The following SQOR variants were observed in gnomAD, a reference collection of about 807,000 sequenced individuals.
SQOR encodes sulfide:quinone oxidoreductase, mitochondrial.
Under a neutral mutation model 48.6 loss-of-function variants are expected in SQOR, and 39 were observed. The ratio of observed to expected loss-of-function variants is 0.80; its 90% CI spans 0.62 to 1.05. SQOR has a LOEUF of 1.05. SQOR is among the 50% of genes least tolerant of loss of function. The probability of loss-of-function intolerance (pLI) is 0.00; values close to 1 mark genes in which losing one functional copy is unlikely to be tolerated. For synonymous variants in SQOR, 220 were observed against 206.2 expected (o/e 1.07, Z -0.57); for missense variants, 561 against 559.9 (o/e 1.00, Z -0.02).
At chr15:45,668,126 A>T (rs1889871976) in intron 3 of SQOR, among the ~76,000 whole-genome samples, 1 of 151,420 alleles carries the variant, frequency 6.6e-6, no homozygotes, top group Non-Finnish European at 1.5e-5. Context: ...TTGTATTTTT[A>T]GTAGAGACAG....
intron 5 of SQOR, among the ~76,000 whole-genome samples, chr15:45,674,595 G>T (rs1351527897): frequency 6.6e-6 from 1 of 152,072 alleles, no homozygotes; most frequent in Non-Finnish European, 1.5e-5. Context: ...TCTGTCCCTT[G>T]GGTATACATT....
At chr15:45,638,360 G>A (rs1895043776) in intron 1 of SQOR, among the ~76,000 whole-genome samples, 2 of 152,178 alleles carry the variant, frequency 1.3e-5, no homozygotes, top group Non-Finnish European at 2.9e-5. Flanking sequence ...GGGAGGCTGA[G>A]GTGGGAGAAC....
At chr15:45,657,824 C>A (rs2140946757) in intron 1 of SQOR, among the ~76,000 whole-genome samples, 1 of 152,306 alleles carries the variant, frequency 6.6e-6, no homozygotes, top group South Asian at 2.1e-4. Context: ...TAGTCCCCAG[C>A]TGGACACTTG....
chr15:45,684,538 G>A (rs1323190407), intron 7 of SQOR, among the ~76,000 whole-genome samples: 1 of 152,084 alleles, frequency 6.6e-6, no homozygotes, highest in Non-Finnish European at 1.5e-5. Context: ...AGCCTGTCAT[G>A]TTAGTTTGTC....
intron 7 of SQOR, among the ~76,000 whole-genome samples, chr15:45,685,350 A>C (rs1890204068): frequency 6.6e-6 from 1 of 152,046 alleles, no homozygotes; most frequent in Admixed American, 6.6e-5. Context: ...ACTTGCCACC[A>C]ATCCTCTGTT....
chr15:45,683,703 A>C (rs1369313878), intron 7 of SQOR, among the ~76,000 whole-genome samples: 1 of 151,954 alleles, frequency 6.6e-6, no homozygotes, highest in Non-Finnish European at 1.5e-5. Context: ...TTTCCTTCCA[A>C]CTTTTTATTT....
At position 45,635,115 on chromosome 15, in the gene SQOR, G is replaced by A. The variant is rs982891300; in HGVS notation, c.-18+7G>A. 1 of 152,416 alleles carries A rather than the reference G, an allele frequency of 6.6e-6. No individual in the cohort carries two copies. The highest frequency in any genetic ancestry group is 1.5e-5 in the Non-Finnish European group (1 of 68,198). 9.4% of individuals were successfully genotyped at this position (152,416 alleles called of 1,614,324 possible). A position where few individuals can be genotyped will look rare whatever the true frequency, so the allele number is the denominator to read the frequency against. ...AGGCTCCGCTCACGCCCGGGTAAGA[G>A]GCATCCGCGGCCGATCTTTGGCCCT... On this transcript the variant is annotated splice_region_variant and intron_variant, in intron 1 of 9. Coordinates refer to ENST00000260324, the MANE Select transcript of SQOR (RefSeq NM_021199.4).
chr15:45,658,953 G>A lies in SQOR; in HGVS notation c.30G>A (p.Gly10=), dbSNP rs200945908. Residue 10 remains glycine (G), a synonymous_variant, in exon 2 of 10, where the codon GGG becomes GGA. Transcript: ENST00000260324. ...TGCCACTGGTGGCTGTGGTATCAGGGCCCCGTGCCCAGCTCTTTGCCTGCC... is the reference window on the plus strand; with the variant it reads ...TGCCACTGGTGGCTGTGGTATCAGGACCCCGTGCCCAGCTCTTTGCCTGCC... The part of the protein sequence containing the change: MVPLVAVVS[G]PRAQLFACLL... 1.9e-5 allele frequency: 30 copies of A among 1,573,680 alleles called. No homozygotes were observed. The South Asian group carries it at 3.4e-4, about 18-fold the overall frequency.
chr15:45,660,967 T>G (rs1402315953), intron 2 of SQOR, among the ~76,000 whole-genome samples: 1 of 152,106 alleles, frequency 6.6e-6, no homozygotes. Context: ...TGTCCAGAAC[T>G]TTTACAACTA....
intron 5 of SQOR, among the ~76,000 whole-genome samples, chr15:45,675,723 G>A (rs1297820309): frequency 2.0e-5 from 3 of 152,076 alleles, no homozygotes; most frequent in Non-Finnish European, 2.9e-5. Flanking sequence ...GCTCACTGCT[G>A]TTCCCTCAGC....
chr15:45,685,408 C>T (rs1386274218), intron 7 of SQOR, among the ~76,000 whole-genome samples: 1 of 152,202 alleles, frequency 6.6e-6, no homozygotes, highest in Non-Finnish European at 1.5e-5. Context: ...CATGTTGAGT[C>T]TGGCTTTCCG....
rs144541873 is a variant in SQOR at position 45,641,102 on chromosome 15, G to C, written c.-18+5994G>C. Among the ~76,000 whole-genome samples, 207 of 152,214 alleles carry C rather than the reference G, an allele frequency of 1.4e-3. 1 individual carries two copies. Among genetic ancestry groups the C allele is most frequent in the Non-Finnish European group, 2.4e-3 (162 of 68,016 alleles). Reference sequence around the variant, plus strand: ...TTCATTTGAAATAATCCAATTGACTGACATATTTTTTCTTTCCTGGAATCT... The same window carrying C: ...TTCATTTGAAATAATCCAATTGACTCACATATTTTTTCTTTCCTGGAATCT... On this transcript the variant is annotated intron_variant, in intron 1 of 9. Coordinates refer to ENST00000260324, the MANE Select transcript of SQOR (RefSeq NM_021199.4).
At chr15:45,660,706 C>T (rs1889702582) in intron 2 of SQOR, among the ~76,000 whole-genome samples, 1 of 152,144 alleles carries the variant, frequency 6.6e-6, no homozygotes. Context: ...TCTTACTGTT[C>T]AAGATAGACT....
Position 45,659,073 on chromosome 15 carries a change from T to G in SQOR, c.150T>G (p.Gly50=), listed in dbSNP as rs1185002153. 6.3e-7 allele frequency: 1 copy of G among 1,594,468 alleles called. No individual in the cohort carries two copies. Among genetic ancestry groups the G allele is most frequent in the Non-Finnish European group, 8.5e-7 (1 of 1,171,012 alleles). The change falls in exon 2 of 10, where the codon GGT becomes GGG. Residue 50 remains glycine, a synonymous_variant. Transcript: ENST00000260324. ...ARNHYEVLVL[G]GGSGGITMAA... ...ACCATTATGAGGTGCTGGTGCTGGG[T>G]GGGGGCAGTGGCGGAATCACCATGG...
intron 9 of SQOR, 95 bp from the exon 10 acceptor site, chr15:45,690,878 C>T: frequency 2.8e-6 from 3 of 1,059,338 alleles, no homozygotes; most frequent in South Asian, 1.3e-5. Flanking sequence ...TGAACATGCT[C>T]TGTGAGCAGC....
At chr15:45,663,806 C>T (rs1488917104) in intron 3 of SQOR, among the ~76,000 whole-genome samples, 1 of 152,074 alleles carries the variant, frequency 6.6e-6, no homozygotes, top group Non-Finnish European at 1.5e-5. Flanking sequence ...AAAAGAGTAC[C>T]TGCTGTATAG....
intron 9 of SQOR, 45 bp downstream of exon 9, chr15:45,689,262 C>A: frequency 6.3e-7 from 1 of 1,592,602 alleles, no homozygotes; most frequent in Non-Finnish European, 8.6e-7. Context: ...GGATTTGTAG[C>A]ACATCTCCAC....
Position 45,682,622 on chromosome 15 carries a change from T to C in SQOR, c.1009T>C (p.Cys337Arg). ...CCCAAATGTGTTTGGGATTGGGGACTGCACCAACCTTCCTACGTCAAAGAC... is the reference window on the plus strand; with the variant it reads ...CCCAAATGTGTTTGGGATTGGGGACCGCACCAACCTTCCTACGTCAAAGAC... Reference protein sequence around the residue: ...RYPNVFGIGDCTNLPTSKTAA... With the variant: ...RYPNVFGIGDRTNLPTSKTAA... The change falls in exon 7 of 10, where the codon TGC (cysteine) becomes CGC (arginine). Residue 337 changes from cysteine (C) to arginine (R), a missense_variant. Coordinates refer to ENST00000260324, the MANE Select transcript of SQOR (RefSeq NM_021199.4). 2 of 1,614,166 alleles carry C rather than the reference T, an allele frequency of 1.2e-6. No individual in the cohort carries two copies. Among genetic ancestry groups the C allele is most frequent in the Non-Finnish European group, 1.7e-6 (2 of 1,180,000 alleles).
chr15:45,668,746 A>G (rs1408096078), intron 3 of SQOR, among the ~76,000 whole-genome samples: 1 of 152,130 alleles, frequency 6.6e-6, no homozygotes, highest in East Asian at 1.9e-4. Context: ...GGATCATGGT[A>G]ATCACCACCT....
Sources: allele counts gnomAD v4.1 joint callset (sites outside exome capture counted in the v4.1 genomes callset), GRCh38; gene constraint gnomAD v4.1.1; transcripts MANE v1.5; gene names NCBI Gene and HGNC (gene_info 2026-07-23, HGNC 2026-07-21).